Variants in SLC9B2 observed in about 807,000 individuals in gnomAD.
The protein encoded by SLC9B2 is sodium/hydrogen exchanger 9B2.
A neutral mutation model predicts 52.2 loss-of-function variants in SLC9B2; 39 were observed. The ratio of observed to expected loss-of-function variants is 0.75; its 90% confidence interval spans 0.58 to 0.98. SLC9B2 has a LOEUF of 0.98. SLC9B2 is among the 50% of genes least tolerant of loss of function. The pLI, the probability that SLC9B2 is intolerant of heterozygous loss-of-function variation, is 0.00. For synonymous variants in SLC9B2, 214 were observed against 227.0 expected (o/e 0.94, Z 0.51); for missense variants, 626 against 637.5 (o/e 0.98, Z 0.19).
At chr4:103,018,312 A>G (rs1741507769), downstream of SLC9B2, among the ~76,000 whole-genome samples, 1 of 152,212 alleles carries the variant, frequency 6.6e-6, no homozygotes, top group African/African-American at 2.4e-5. Context: ...TGGTACTCTA[A>G]AAGCCCAGAC....
chr4:103,058,071 T>A lies in SLC9B2; in HGVS notation c.272-100A>T, dbSNP rs1380969271. On this transcript the variant is annotated intron_variant, in intron 3 of 11. Transcript: ENST00000394785. ...TGTAAAAATAAATACTGAATGAAAATGCAAATATTTATAATCATGTTTAAT... is the reference window on the plus strand; with the variant it reads ...TGTAAAAATAAATACTGAATGAAAAAGCAAATATTTATAATCATGTTTAAT... 18 of 1,098,292 alleles carry A rather than the reference T, an allele frequency of 1.6e-5. 1 individual carries two copies. The South Asian group carries it at 2.6e-4, about 16-fold the overall frequency. 68.0% of individuals were successfully genotyped at this position (1,098,292 alleles called of 1,614,324 possible). A position where few individuals can be genotyped will look rare whatever the true frequency, so the allele number is the denominator to read the frequency against.
chr4:103,048,244 A>C (rs1744348496), intron 6 of SLC9B2, among the ~76,000 whole-genome samples: 1 of 152,118 alleles, frequency 6.6e-6, no homozygotes, highest in South Asian at 2.1e-4. Context: ...CCTCACAACA[A>C]CCCTATAAAA....
chr4:103,063,064 C>A (rs546022869), intron 3 of SLC9B2, among the ~76,000 whole-genome samples: 36 of 152,092 alleles, frequency 2.4e-4, no homozygotes, highest in Non-Finnish European at 4.4e-4. Flanking sequence ...GCTTTATGAA[C>A]GATTATACAT....
chr4:103,051,991 T>C (rs1744727875), intron 4 of SLC9B2, among the ~76,000 whole-genome samples: 1 of 152,252 alleles, frequency 6.6e-6, no homozygotes, highest in African/African-American at 2.4e-5. Context: ...TTTTTCATTA[T>C]AAACAGTGCT....
intron 4 of SLC9B2, among the ~76,000 whole-genome samples, chr4:103,054,144 C>T (rs1036752375): frequency 6.6e-6 from 1 of 152,010 alleles, no homozygotes; most frequent in Admixed American, 6.5e-5. Context: ...GGACATGTGC[C>T]TGTAGTCCCA....
At chr4:103,036,643 T>C (rs1316146436) in intron 9 of SLC9B2, among the ~76,000 whole-genome samples, 1 of 145,996 alleles carries the variant, frequency 6.8e-6, no homozygotes, top group Non-Finnish European at 1.5e-5. Context: ...CAAATTAAAT[T>C]GACATGCCTT....
At chr4:103,046,915 A>C in intron 7 of SLC9B2, 136 bp downstream of exon 7, 2 of 1,013,898 alleles carry the variant, frequency 2.0e-6, no homozygotes, top group East Asian at 5.2e-5. Context: ...CTCCTTAGGT[A>C]CAGAACTCTT....
At chr4:103,039,331 G>A (rs746750829) in intron 9 of SLC9B2, among the ~76,000 whole-genome samples, 46 of 152,190 alleles carry the variant, frequency 3.0e-4, no homozygotes, top group African/African-American at 3.6e-4. Flanking sequence ...TTATTTTACC[G>A]AATCCTCCAG....
chr4:103,043,521 G>A, intron 8 of SLC9B2, 76 bp from the exon 9 acceptor site: 2 of 1,321,138 alleles, frequency 1.5e-6, no homozygotes, highest in Non-Finnish European at 2.1e-6. Flanking sequence ...TCCATATCTA[G>A]GATTTAGAAA....
At chr4:103,047,359 A>G (rs1461744934) in intron 6 of SLC9B2, 133 bp from the exon 7 acceptor site, 1 of 802,526 alleles carries the variant, frequency 1.2e-6, no homozygotes, top group Non-Finnish European at 1.9e-6. Context: ...TAAATTAAGA[A>G]AACAAACTTT....
intron 7 of SLC9B2, among the ~76,000 whole-genome samples, chr4:103,045,550 T>C (rs1744045534): frequency 1.3e-5 from 2 of 148,486 alleles, no homozygotes. Flanking sequence ...GCCCCACCCC[T>C]AAAAATCTGA....
In SLC9B2 at chr4:103,028,771, T is replaced by A. The variant is rs990121597; in HGVS notation, c.1368A>T (p.Ala456=). ...NLKEKIFISF[A]WLPKATVQAA... The stretch of plus-strand genomic sequence containing the variant: ...CCTGAACTGTGGCCTTTGGAAGCCA[T>A]GCAAAAGAAATAAATATCTTTTCTT... The change falls in exon 11 of 12, where the codon GCA becomes GCT. Residue 456 remains alanine, a synonymous_variant. Coordinates refer to ENST00000394785, the MANE Select transcript of SLC9B2 (RefSeq NM_178833.7). The A allele has an allele frequency of 1.3e-5, 21 of 1,608,090 alleles. No individual in the cohort carries two copies. Among genetic ancestry groups the A allele is most frequent in the Non-Finnish European group, 1.8e-5 (21 of 1,178,106 alleles).
rs1225337544 is a variant in SLC9B2, at chr4:103,024,937, A to G, written c.*1433T>C. 6.6e-6 allele frequency among the ~76,000 whole-genome samples: 1 copy of G among 152,210 alleles called. No individual in the cohort carries two copies. Among genetic ancestry groups the G allele is most frequent in the Non-Finnish European group, 1.5e-5 (1 of 68,030 alleles). ...ACAATTTCTGAAATCCCTGCCATAG[A>G]AGTCACTCTTTTGGTTTAAGGCAAT... On this transcript the variant is annotated 3_prime_UTR_variant, in exon 12 of 12. Transcript: ENST00000394785.
rs551360692 is a variant in SLC9B2, at chr4:103,032,213, T to C, written c.1147-405A>G. ...TTAGAGAGCTTGCAATATTGGTACA[T>C]ATATCTAGATATGCCCCTATTACTG... On this transcript the variant is annotated intron_variant, in intron 9 of 11. Coordinates refer to ENST00000394785, the MANE Select transcript of SLC9B2 (RefSeq NM_178833.7). Among the ~76,000 whole-genome samples, 7 of 152,272 alleles carry C rather than the reference T, an allele frequency of 4.6e-5. No individual in the cohort carries two copies. In the East Asian group the frequency reaches 9.6e-4, roughly 21 times the overall value.
Position 103,023,258 on chromosome 4 carries a change from G to C in SLC9B2, c.*3112C>G, listed in dbSNP as rs970210128. Among the ~76,000 whole-genome samples, 5 of 152,154 alleles carry C rather than the reference G, an allele frequency of 3.3e-5. No homozygotes were observed. Among genetic ancestry groups the C allele is most frequent in the African/African-American group, 9.7e-5 (4 of 41,424 alleles). ...ATGCTGAGGATTCAAGGATAATTAA[G>C]ACAAGGTTCCTACCCATAGGGAGCT... On this transcript the variant is annotated 3_prime_UTR_variant, in exon 12 of 12. Coordinates refer to ENST00000394785, the MANE Select transcript of SLC9B2 (RefSeq NM_178833.7).
chr4:103,066,339 C>T lies in SLC9B2; in HGVS notation c.259G>A (p.Val87Ile), dbSNP rs1469433190. 3.1e-6 allele frequency: 5 copies of T among 1,613,446 alleles called. No individual in the cohort carries two copies. Among genetic ancestry groups the T allele is most frequent in the East Asian group, 2.2e-5 (1 of 44,852 alleles). Residue 87 changes from valine to isoleucine, a missense_variant, in exon 3 of 12, where the codon GTC (valine) becomes ATC (isoleucine). Physicochemically the swap from Val to Ile is conservative, Grantham distance 29. Transcript: ENST00000394785. ...ACPPHGLLDR[V>I]ITNVTIIVLL... Reference sequence around the variant, plus strand: ...AATTCATCCTTACCATTTGTTATGACCCTGTCCAGTAAACCATGTGGAGGG... The same window carrying T: ...AATTCATCCTTACCATTTGTTATGATCCTGTCCAGTAAACCATGTGGAGGG...
intron 3 of SLC9B2, among the ~76,000 whole-genome samples, chr4:103,062,289 C>T (rs1222243901): frequency 6.6e-6 from 1 of 151,836 alleles, no homozygotes; most frequent in South Asian, 2.1e-4. Flanking sequence ...CATGGTGGCA[C>T]GTGCCTGTAA....
chr4:103,072,054 A>ACGTTTTTTT (rs1746683142), intron 1 of SLC9B2, among the ~76,000 whole-genome samples: 1 of 62,484 alleles, frequency 1.6e-5, no homozygotes, highest in African/African-American at 8.8e-5. Context: ...TTTGGCTTTC[A>ACGTTTTTTT]TGTTTTTTTT....
At chr4:103,033,815 C>T (rs528384661) in intron 9 of SLC9B2, among the ~76,000 whole-genome samples, 175 of 151,670 alleles carry the variant, frequency 1.2e-3, no homozygotes, top group African/African-American at 3.6e-3. Context: ...CAGAGATGAC[C>T]CAAATGGAAA....
Sources: gnomAD v4.1 joint callset for allele counts (sites outside exome capture counted in the v4.1 genomes callset) on GRCh38, gnomAD v4.1.1 for gene constraint, MANE v1.5 for transcripts, NCBI Gene and HGNC (gene_info 2026-07-23, HGNC 2026-07-21) for gene names.